The following ASPM variants were observed in gnomAD, a reference collection of about 807,000 sequenced individuals.
The protein encoded by ASPM is assembly factor for spindle microtubules, also known as abnormal spindle-like microcephaly-associated protein.
In ASPM, 256 loss-of-function variants were observed where a neutral mutation model predicts 366.4. The observed-to-expected ratio is 0.70, with a 90% confidence interval of 0.63 to 0.77. The LOEUF (loss-of-function observed/expected upper bound fraction) is 0.77. Ranked by LOEUF, ASPM falls within the 30% of genes least tolerant of loss-of-function variation. ASPM has a pLI of 0.00. For missense variants in ASPM, 4,146 were observed against 4,090.4 expected, an observed-to-expected ratio of 1.01 and a Z score of -0.37; for synonymous variants, 1,414 against 1,342.9, an observed-to-expected ratio of 1.05 and a Z score of -1.16.
intron 16 of ASPM, 126 bp downstream of exon 16, chr1:197,121,789 C>A: frequency 8.2e-7 from 1 of 1,218,762 alleles, no homozygotes; most frequent in South Asian, 1.3e-5. Context: ...AATACATATA[C>A]ACAATTACTA....
chr1:197,093,455 G>T (rs888067823), intron 20 of ASPM, among the ~76,000 whole-genome samples, 194 bp from the exon 21 acceptor site: 1 of 151,792 alleles, frequency 6.6e-6, no homozygotes, highest in Non-Finnish European at 1.5e-5. Context: ...AGATGAAGGT[G>T]TAAGCCAAGG....
chr1:197,139,117 T>G, intron 4 of ASPM: 2 of 795,526 alleles, frequency 2.5e-6, no homozygotes, highest in Non-Finnish European at 4.5e-6. Flanking sequence ...GCATTCATAG[T>G]GCTGAGTGTA....
rs1657160875 is a variant in ASPM, at chr1:197,101,207, G to A, written c.8044C>T (p.Arg2682Ter). The A allele has an allele frequency of 1.5e-5, 24 of 1,612,158 alleles. No individual in the cohort carries two copies. The highest frequency in any genetic ancestry group is 1.7e-5 in the Non-Finnish European group (20 of 1,179,018). Reference protein sequence around the residue: ...IQSYYRGFKVRKDIQNMHRAA... With the variant: ...IQSYYRGFKV Reference sequence around the variant, plus strand: ...CGGTGCATATTTTGAATATCCTTTCGTACTTTAAAGCCTCTGTAATAAGAC... The same window carrying A: ...CGGTGCATATTTTGAATATCCTTTCATACTTTAAAGCCTCTGTAATAAGAC... Residue 2682 changes from arginine to a stop codon, truncating the protein, a stop_gained, in exon 18 of 28, where the codon CGA becomes TGA. Transcript: ENST00000367409. LOFTEE classifies it high-confidence loss of function.
intron 17 of ASPM, among the ~76,000 whole-genome samples, chr1:197,109,341 T>G (rs1657512638): frequency 6.6e-6 from 1 of 152,064 alleles, no homozygotes; most frequent in African/African-American, 2.4e-5. Context: ...AATACATAAC[T>G]AATATTTGAA....
intron 17 of ASPM, among the ~76,000 whole-genome samples, chr1:197,107,942 C>G (rs1027883077): frequency 2.0e-5 from 3 of 152,100 alleles, no homozygotes; most frequent in African/African-American, 4.8e-5. Context: ...CTAAAAAACT[C>G]TATTTATAAA....
intron 17 of ASPM, among the ~76,000 whole-genome samples, chr1:197,110,118 A>G (rs552810371): frequency 6.6e-6 from 1 of 152,068 alleles, no homozygotes; most frequent in South Asian, 2.1e-4. Context: ...AGAAAATTCC[A>G]ACTCATTTTG....
At chr1:197,109,104 G>C (rs1157879322) in intron 17 of ASPM, among the ~76,000 whole-genome samples, 1 of 150,870 alleles carries the variant, frequency 6.6e-6, no homozygotes, top group Non-Finnish European at 1.5e-5. Flanking sequence ...GCACAATTAT[G>C]TCAAGTAAAA....
At position 197,096,049 on chromosome 1, in the gene ASPM, T is replaced by G. The variant is rs764431933; in HGVS notation, c.8936A>C (p.Lys2979Thr). The G allele has an allele frequency of 3.1e-6, 5 of 1,609,408 alleles. No individual in the cohort carries two copies. Among genetic ancestry groups the G allele is most frequent in the Admixed American group, 3.3e-5 (2 of 59,784 alleles). ...GCAACCTTGAATAATTTTAACAGCT[T>G]TTAATATAGCTAGATATTCTTTGTG... ...RAHKEYLAIL[K>T]AVKIIQGCFY... The change falls in exon 19 of 28, where the codon AAA becomes ACA. Residue 2979 changes from lysine to threonine, a missense_variant. Coordinates refer to ENST00000367409, the MANE Select transcript of ASPM (RefSeq NM_018136.5).
chr1:197,129,565 G>A (rs900532048), intron 8 of ASPM, among the ~76,000 whole-genome samples: 3 of 152,054 alleles, frequency 2.0e-5, no homozygotes, highest in African/African-American at 4.8e-5. Context: ...CAGGCACAGA[G>A]GCATCAAGAG....
chr1:197,098,973 T>G (rs1657069503), intron 18 of ASPM, among the ~76,000 whole-genome samples: 1 of 151,584 alleles, frequency 6.6e-6, no homozygotes, highest in Non-Finnish European at 1.5e-5. Flanking sequence ...ATCATCAATC[T>G]CAAAACCTGC....
chr1:197,142,034 A>C (rs905122307), intron 3 of ASPM, among the ~76,000 whole-genome samples: 1 of 152,136 alleles, frequency 6.6e-6, no homozygotes, highest in Non-Finnish European at 1.5e-5. Flanking sequence ...TTATTCACTT[A>C]TCCATTCATT....
chr1:197,144,024 A>G lies in ASPM; in HGVS notation c.374T>C (p.Leu125Pro). 1 of 1,610,846 alleles carries G rather than the reference A, an allele frequency of 6.2e-7. No homozygotes were observed. The highest frequency in any genetic ancestry group is 1.1e-5 in the South Asian group (1 of 90,998). The change falls in exon 2 of 28, where the codon CTT becomes CCT. Residue 125 changes from leucine (L) to proline (P), a missense_variant. Around this residue, in one of 3 missense-constraint regions of ASPM, gnomAD observed 512 missense variants for 471.7 expected, o/e 1.09. Transcript: ENST00000367409. ...EGRVREIMTF[L>P]VNDVLKHQAI... The stretch of plus-strand genomic sequence containing the variant: ...TTGGTGTTTCAGAACATCATTTACA[A>G]GAAATGTCATAATCTCTCTTACTCG...
chr1:197,112,896 A>G (rs552370061), intron 17 of ASPM, among the ~76,000 whole-genome samples: 1 of 152,262 alleles, frequency 6.6e-6, no homozygotes, highest in South Asian at 2.1e-4. Context: ...TGGCAAAATA[A>G]ACTTTCTAAA....
chr1:197,102,683 G>A lies in ASPM; in HGVS notation c.6568C>T (p.Gln2190Ter), dbSNP rs199910503. ...GACTGAATGAGTGTTGCTGCAGTCT[G>A]CATCTTTCTAAGAGTCCGTCTAACT... ...VRVRRTLRKM[Q>*]TAATLIQSNY... The change falls in exon 18 of 28, where the codon CAG (glutamine) becomes TAG (stop). Residue 2190 changes from glutamine (Q) to a stop codon, truncating the protein, a stop_gained. Transcript: ENST00000367409. LOFTEE classifies it high-confidence loss of function. 13 of 1,612,508 alleles carry A rather than the reference G, an allele frequency of 8.1e-6. No individual in the cohort carries two copies. The highest frequency in any genetic ancestry group is 1.3e-5 in the African/African-American group (1 of 74,760).
intron 18 of ASPM, among the ~76,000 whole-genome samples, chr1:197,098,664 C>T (rs1657059036): frequency 6.6e-6 from 1 of 151,422 alleles, no homozygotes; most frequent in Non-Finnish European, 1.5e-5. Flanking sequence ...AATCTCTTAC[C>T]TTTCTTCTTT....
At chr1:197,098,212 A>G (rs2125092039) in intron 18 of ASPM, among the ~76,000 whole-genome samples, 1 of 150,634 alleles carries the variant, frequency 6.6e-6, no homozygotes, top group South Asian at 2.1e-4. Flanking sequence ...TAAAACATAC[A>G]TATTTACATA....
At position 197,120,678 on chromosome 1, in the gene ASPM, G is replaced by A. The variant is rs150021394; in HGVS notation, c.3870+1237C>T. Among the ~76,000 whole-genome samples the A allele has an allele frequency of 4.0e-3, 615 of 152,146 alleles. 20 individuals carry two copies. The highest frequency in any genetic ancestry group is 0.033 in the Admixed American group (508 of 15,266). Reference sequence around the variant, plus strand: ...TCAAATAGCTTGAGGACTGGCCAGGGGAGACACTTTTCTGAACTCTTCCAA... The same window carrying A: ...TCAAATAGCTTGAGGACTGGCCAGGAGAGACACTTTTCTGAACTCTTCCAA... On this transcript the variant is annotated intron_variant, in intron 16 of 27. Transcript: ENST00000367409.
intron 24 of ASPM, 42 bp downstream of exon 24, chr1:197,090,154 G>A (rs1656731087): frequency 1.9e-6 from 3 of 1,611,674 alleles, no homozygotes; most frequent in South Asian, 2.2e-5. Flanking sequence ...AGCTAATAAT[G>A]TAGTATTACA....
intron 18 of ASPM, among the ~76,000 whole-genome samples, chr1:197,098,060 A>G (rs1657036428): frequency 2.0e-5 from 3 of 150,738 alleles, no homozygotes; most frequent in East Asian, 3.9e-4. Flanking sequence ...ATTTACAGAC[A>G]TTGACAAGAG....
Sources: allele counts gnomAD v4.1 joint callset (sites outside exome capture counted in the v4.1 genomes callset), GRCh38; gene constraint gnomAD v4.1.1; regional missense constraint gnomAD v4.1.1; transcripts MANE v1.5; gene names NCBI Gene and HGNC (gene_info 2026-07-23, HGNC 2026-07-21).